Variants in HSPA4 observed in about 807,000 individuals in gnomAD.
The protein encoded by HSPA4 is heat shock 70 kDa protein 4.
Under a neutral mutation model 106.2 loss-of-function variants are expected in HSPA4, and 25 were observed. The ratio of observed to expected loss-of-function variants is 0.24; its 90% CI spans 0.17 to 0.33. The LOEUF is 0.33. HSPA4 is among the 10% of genes least tolerant of loss of function. HSPA4 has a pLI of 1.00. For synonymous variants in HSPA4, 332 were observed against 333.6 expected, an observed-to-expected ratio of 1.00 and a Z score of 0.05; for missense variants, 841 against 996.0, an observed-to-expected ratio of 0.84 and a Z score of 2.10.
chr5:133,101,900 C>T, intron 17 of HSPA4, 22 bp downstream of exon 17: 1 of 1,288,176 alleles, frequency 7.8e-7, no homozygotes, highest in Non-Finnish European at 1.1e-6. Context: ...CTTTGTCCTA[C>T]TCTTATTTTA....
intron 17 of HSPA4, 49 bp from the exon 18 acceptor site, chr5:133,103,815 AG>A: frequency 1.3e-6 from 2 of 1,491,276 alleles, no homozygotes; most frequent in Non-Finnish European, 1.8e-6. Flanking sequence ...AGTTGCGGGG[AG>A]GGAGGGTATC....
At chr5:133,068,608 A>T (rs146529077) in intron 3 of HSPA4, among the ~76,000 whole-genome samples, 69 of 152,344 alleles carry the variant, frequency 4.5e-4, no homozygotes, top group African/African-American at 1.4e-3. Context: ...GAAGTGAAAA[A>T]TTCTGAAAAT....
chr5:133,076,855 G>T lies in HSPA4; in HGVS notation c.865G>T (p.Glu289Ter). The change falls in exon 7 of 19, where the codon GAA becomes TAA. Residue 289 changes from glutamate (E) to a stop codon, truncating the protein, a stop_gained. Transcript: ENST00000304858. LOFTEE classifies it high-confidence loss of function. ...ANASDLPLSI[E>*]CFMNDVDVSG... is the part of the protein sequence containing the mutation. Reference sequence around the variant, plus strand: ...TGCTTCAGATCTCCCTTTGAGCATTGAATGTTTTATGAATGATGTTGATGT... The same window carrying T: ...TGCTTCAGATCTCCCTTTGAGCATTTAATGTTTTATGAATGATGTTGATGT... 4 of 1,610,774 alleles carry T rather than the reference G, an allele frequency of 2.5e-6. No homozygotes were observed. The South Asian group carries it at 4.4e-5, about 18-fold the overall frequency.
At chr5:133,057,846 T>C (rs958743915) in intron 1 of HSPA4, among the ~76,000 whole-genome samples, 1 of 152,158 alleles carries the variant, frequency 6.6e-6, no homozygotes, top group Non-Finnish European at 1.5e-5. Context: ...ATAGAAGAAG[T>C]GTAAGATAGA....
intron 7 of HSPA4, among the ~76,000 whole-genome samples, chr5:133,080,432 A>C (rs1002131540): frequency 6.6e-6 from 1 of 151,500 alleles, no homozygotes; most frequent in Non-Finnish European, 1.5e-5. Context: ...AAAAAAAAAA[A>C]AAAAAAAAAC....
At chr5:133,075,774 G>A (rs998732182) in intron 6 of HSPA4, among the ~76,000 whole-genome samples, 10 of 151,986 alleles carry the variant, frequency 6.6e-5, no homozygotes, top group African/African-American at 2.4e-4. Context: ...AGGCTACAGT[G>A]AGCTGAGATT....
At position 133,052,226 on chromosome 5, in the gene HSPA4, C is replaced by A; in HGVS notation, c.-25C>A. ...CCTGTCTCGGTGGCCGGACCCGGGCCCGAGCCCGAGCAGTAGCCGGCGCCA... is the reference window on the plus strand; with the variant it reads ...CCTGTCTCGGTGGCCGGACCCGGGCACGAGCCCGAGCAGTAGCCGGCGCCA... On this transcript the variant is annotated 5_prime_UTR_variant, in exon 1 of 19. Transcript: ENST00000304858. The A allele has an allele frequency of 1.3e-6, 2 of 1,527,150 alleles. No homozygotes were observed. The highest frequency in any genetic ancestry group is 2.3e-5 in the South Asian group (2 of 85,522). 94.6% of individuals were successfully genotyped at this position (1,527,150 alleles called of 1,614,324 possible). A position where few individuals can be genotyped will look rare whatever the true frequency, so the allele number is the denominator to read the frequency against.
At position 133,073,446 on chromosome 5, in the gene HSPA4, C is replaced by T. The variant is rs918086589; in HGVS notation, c.529+117C>T. 17 of 659,686 alleles carry T rather than the reference C, an allele frequency of 2.6e-5. No individual in the cohort carries two copies. The African/African-American group carries it at 2.9e-4, about 11-fold the overall frequency. 40.9% of individuals were successfully genotyped at this position (659,686 alleles called of 1,614,324 possible). A position where few individuals can be genotyped will look rare whatever the true frequency, so the allele number is the denominator to read the frequency against. Reference sequence around the variant, plus strand: ...TTTCAGCACTGCTGCTCTTGCTTACCACTGTGGTCATGGTGTTTTTGGATA... The same window carrying T: ...TTTCAGCACTGCTGCTCTTGCTTACTACTGTGGTCATGGTGTTTTTGGATA... On this transcript the variant is annotated intron_variant, in intron 5 of 18. Transcript: ENST00000304858.
chr5:133,092,309 T>C (rs1765656709), intron 12 of HSPA4, among the ~76,000 whole-genome samples: 1 of 152,214 alleles, frequency 6.6e-6, no homozygotes, highest in African/African-American at 2.4e-5. Context: ...TAGGAACTAT[T>C]TGAAAAAGTT....
At position 133,092,809 on chromosome 5, in the gene HSPA4, T is replaced by TTTTTTTTTG; in HGVS notation, c.1650+28_1650+29insGTTTTTTTT. 7.9e-6 allele frequency: 1 copy of TTTTTTTTTG among 126,170 alleles called. No individual in the cohort carries two copies. Among genetic ancestry groups the TTTTTTTTTG allele is most frequent in the African/African-American group, 2.3e-4 (1 of 4,430 alleles). The allele number at this position is 126,170 out of a possible 1,614,324, so 7.8% of individuals were successfully genotyped here. A position where few individuals can be genotyped will look rare whatever the true frequency, so the allele number is the denominator to read the frequency against. On this transcript the variant is annotated intron_variant, in intron 13 of 18. Transcript: ENST00000304858. The stretch of plus-strand genomic sequence containing the variant: ...ATGGAGGTATGCATTGGGTGGTGTT[T>TTTTTTTTTG]TTTTTTTTTTTTTTTTTTTTTTTTT...
intron 1 of HSPA4, among the ~76,000 whole-genome samples, chr5:133,055,857 C>T (rs990801122): frequency 3.9e-5 from 6 of 152,032 alleles, no homozygotes; most frequent in African/African-American, 9.7e-5. Context: ...GTAGGAGGAT[C>T]GCTTGAGGTC....
intron 1 of HSPA4, among the ~76,000 whole-genome samples, chr5:133,057,050 T>C (rs908449993): frequency 6.6e-6 from 1 of 152,202 alleles, no homozygotes; most frequent in Admixed American, 6.5e-5. Flanking sequence ...GTTCTACAAC[T>C]GTGTACTTTT....
intron 12 of HSPA4, among the ~76,000 whole-genome samples, 196 bp from the exon 13 acceptor site, chr5:133,092,504 T>C (rs1239466670): frequency 6.6e-6 from 1 of 152,176 alleles, no homozygotes; most frequent in Non-Finnish European, 1.5e-5. Context: ...TTATCCTCAT[T>C]GTACAGATGT....
chr5:133,104,084 TC>T, intron 18 of HSPA4, 58 bp downstream of exon 18: 1 of 1,480,622 alleles, frequency 6.8e-7, no homozygotes, highest in Non-Finnish European at 9.3e-7. Context: ...TTAATAGTCC[TC>T]AAGTGACACT....
chr5:133,097,260 G>T lies in HSPA4; in HGVS notation c.1903G>T (p.Glu635Ter). The T allele has an allele frequency of 6.2e-7, 1 of 1,612,886 alleles. No individual in the cohort carries two copies. The highest frequency in any genetic ancestry group is 1.1e-5 in the South Asian group (1 of 90,998). ...VYEMRDKLSGEYEKFVSEDDR... is the reference protein window; with the variant it reads ...VYEMRDKLSG ...TGAAATGAGAGACAAGCTTAGTGGT[G>T]AATATGAGAAGTTTGTGAGTGAAGA... The change falls in exon 15 of 19, where the codon GAA becomes TAA. Residue 635 changes from glutamate (E) to a stop codon, truncating the protein, a stop_gained. Coordinates refer to ENST00000304858, the MANE Select transcript of HSPA4 (RefSeq NM_002154.4). LOFTEE classifies it high-confidence loss of function.
chr5:133,104,337 A>G lies in HSPA4; in HGVS notation c.2424A>G (p.Gly808=), dbSNP rs1765827983. 6.2e-7 allele frequency: 1 copy of G among 1,614,218 alleles called. No individual in the cohort carries two copies. ...CAGAGCAGAATGGACCAGTGGATGGACAAGGAGACAACCCAGGCCCCCAGG... is the reference window on the plus strand; with the variant it reads ...CAGAGCAGAATGGACCAGTGGATGGGCAAGGAGACAACCCAGGCCCCCAGG... ...KNAEQNGPVD[G]QGDNPGPQAA... The change falls in exon 19 of 19, where the codon GGA becomes GGG. Residue 808 remains glycine, a synonymous_variant. Transcript: ENST00000304858.
At chr5:133,096,560 T>G (rs1033096014) in intron 14 of HSPA4, among the ~76,000 whole-genome samples, 5 of 152,164 alleles carry the variant, frequency 3.3e-5, no homozygotes, top group African/African-American at 9.7e-5. Flanking sequence ...CACTAGAGAT[T>G]GGGATATTTG....
intron 1 of HSPA4, among the ~76,000 whole-genome samples, chr5:133,060,073 T>TTTTTC (rs1765219308): frequency 6.6e-6 from 1 of 151,898 alleles, no homozygotes; most frequent in Non-Finnish European, 1.5e-5. Flanking sequence ...TTTTACTTTT[T>TTTTTC]TTTTTTAGGA....
At chr5:133,080,408 A>G (rs573394751) in intron 7 of HSPA4, among the ~76,000 whole-genome samples, 2 of 114,328 alleles carry the variant, frequency 1.7e-5, no homozygotes, top group East Asian at 5.7e-4. Flanking sequence ...TGAGAGTGAG[A>G]CCCTGTCTCA....
Sources: allele counts gnomAD v4.1 joint callset (sites outside exome capture counted in the v4.1 genomes callset), GRCh38; gene constraint gnomAD v4.1.1; transcripts MANE v1.5; gene names NCBI Gene and HGNC (gene_info 2026-07-23, HGNC 2026-07-21).